ERBB4: variants seen among roughly 807,000 people sequenced by gnomAD.
ERBB4 encodes the protein erb-b2 receptor tyrosine kinase 4, also known as receptor tyrosine-protein kinase erbB-4.
A neutral mutation model predicts 158.0 loss-of-function variants in ERBB4; 42 were observed. That is an observed-to-expected ratio of 0.27 (90% CI 0.21 to 0.34). The LOEUF is 0.34. Among genes scored for constraint, ERBB4 ranks in the 10% least tolerant of loss-of-function variants. The pLI is 1.00. For missense variants in ERBB4, 1,333 were observed against 1,624.1 expected, an observed-to-expected ratio of 0.82 and a Z score of 3.08; for synonymous variants, 583 against 558.7, an observed-to-expected ratio of 1.04 and a Z score of -0.61.
chr2:211,616,181 C>A (rs2069381533), intron 19 of ERBB4, among the ~76,000 whole-genome samples: 1 of 151,370 alleles, frequency 6.6e-6, no homozygotes. Flanking sequence ...TCTTTCCCAG[C>A]AGCTCTACAC....
intron 19 of ERBB4, among the ~76,000 whole-genome samples, chr2:211,597,751 AT>A (rs1256998120): frequency 1.8e-4 from 27 of 152,120 alleles, no homozygotes; most frequent in African/African-American, 6.3e-4. Context: ...AATTATTTCA[AT>A]TTTTATTTTT....
chr2:211,783,293 A>G (rs1360643084), intron 4 of ERBB4, among the ~76,000 whole-genome samples: 1 of 152,246 alleles, frequency 6.6e-6, no homozygotes, highest in African/African-American at 2.4e-5. Flanking sequence ...TTTTCTAAAT[A>G]TATAATCATG....
chr2:211,986,137 G>T (rs1000030526), intron 2 of ERBB4, among the ~76,000 whole-genome samples: 1 of 152,176 alleles, frequency 6.6e-6, no homozygotes, highest in Non-Finnish European at 1.5e-5. Context: ...TCCCAGGACT[G>T]CCAGCAATCA....
At chr2:211,485,201 G>A (rs2065173416) in intron 20 of ERBB4, among the ~76,000 whole-genome samples, 1 of 152,004 alleles carries the variant, frequency 6.6e-6, no homozygotes, top group Admixed American at 6.6e-5. Context: ...TTGTGTCTTA[G>A]TTTTACAAAT....
At chr2:211,905,681 T>TATATATATATACAC (rs1480195605) in intron 3 of ERBB4, among the ~76,000 whole-genome samples, 1,108 of 110,156 alleles carry the variant, frequency 0.01, 11 homozygotes, top group Non-Finnish European at 0.017. Context: ...TATATATATA[T>TATATATATATACAC]ACACACATAT....
intron 2 of ERBB4, among the ~76,000 whole-genome samples, chr2:211,951,193 G>C (rs1243094796): frequency 6.6e-6 from 1 of 152,100 alleles, no homozygotes; most frequent in African/African-American, 2.4e-5. Flanking sequence ...TTATCAAAAA[G>C]TGTAAAATGT....
At chr2:211,870,681 T>C (rs530450820) in intron 3 of ERBB4, among the ~76,000 whole-genome samples, 26 of 152,088 alleles carry the variant, frequency 1.7e-4, no homozygotes, top group Non-Finnish European at 2.5e-4. Context: ...AAAATACAGT[T>C]TTCCAGGTAA....
chr2:211,606,388 C>A (rs911284995), intron 19 of ERBB4, among the ~76,000 whole-genome samples: 1 of 151,560 alleles, frequency 6.6e-6, no homozygotes, highest in Non-Finnish European at 1.5e-5. Flanking sequence ...GAGAAAATAA[C>A]CAGTGGGGAA....
At chr2:211,839,870 T>C (rs2077432321) in intron 3 of ERBB4, among the ~76,000 whole-genome samples, 1 of 152,130 alleles carries the variant, frequency 6.6e-6, no homozygotes, top group Admixed American at 6.6e-5. Context: ...AAACAAAATG[T>C]TAAAAGTTCT....
intron 16 of ERBB4, among the ~76,000 whole-genome samples, chr2:211,645,965 A>G (rs1322487164): frequency 6.6e-6 from 1 of 151,676 alleles, no homozygotes; most frequent in Non-Finnish European, 1.5e-5. Flanking sequence ...AATTTGTAAA[A>G]GGCAAAAACG....
intron 2 of ERBB4, among the ~76,000 whole-genome samples, chr2:212,051,897 G>C (rs2077409536): frequency 6.6e-6 from 1 of 152,152 alleles, no homozygotes; most frequent in African/African-American, 2.4e-5. Context: ...CTGGCACACA[G>C]AGTCAGATTG....
At chr2:211,695,308 T>C (rs1271140330) in intron 12 of ERBB4, among the ~76,000 whole-genome samples, 3 of 152,160 alleles carry the variant, frequency 2.0e-5, no homozygotes, top group Non-Finnish European at 4.4e-5. Context: ...TCATGTACAA[T>C]GGGGTGGATT....
intron 2 of ERBB4, among the ~76,000 whole-genome samples, chr2:212,051,161 C>A (rs1475753356): frequency 6.6e-6 from 1 of 152,098 alleles, no homozygotes; most frequent in East Asian, 1.9e-4. Flanking sequence ...CTCTTCTAAG[C>A]TTTGAAAGGT....
chr2:211,513,990 C>A (rs2065955727), intron 20 of ERBB4, among the ~76,000 whole-genome samples: 1 of 152,046 alleles, frequency 6.6e-6, no homozygotes, highest in South Asian at 2.1e-4. Flanking sequence ...CCTTCTAAAG[C>A]TTCTCTTCTA....
intron 5 of ERBB4, among the ~76,000 whole-genome samples, chr2:211,726,977 G>A (rs528922192): frequency 6.6e-6 from 1 of 152,212 alleles, no homozygotes; most frequent in South Asian, 2.1e-4. Context: ...TCTTCACAAG[G>A]CATTTCTCCA....
chr2:211,462,858 G>C (rs1022587584), intron 20 of ERBB4, among the ~76,000 whole-genome samples: 7 of 152,080 alleles, frequency 4.6e-5, no homozygotes, highest in Non-Finnish European at 1.0e-4. Flanking sequence ...CAATGTTTTT[G>C]TTTCTCTTCA....
chr2:211,555,428 A>G (rs2067212040), intron 20 of ERBB4, among the ~76,000 whole-genome samples: 1 of 152,122 alleles, frequency 6.6e-6, no homozygotes, highest in Non-Finnish European at 1.5e-5. Flanking sequence ...CAGGTGATCC[A>G]TCCGCCTCGG....
At chr2:211,589,108 G>T (rs1199440894) in intron 19 of ERBB4, among the ~76,000 whole-genome samples, 1 of 152,080 alleles carries the variant, frequency 6.6e-6, no homozygotes, top group Admixed American at 6.6e-5. Flanking sequence ...TAACATTATT[G>T]TGGGCCCTAG....
intron 20 of ERBB4, among the ~76,000 whole-genome samples, chr2:211,431,302 T>C (rs1442254903): frequency 6.6e-6 from 1 of 152,152 alleles, no homozygotes. Context: ...CTCCCTAAAG[T>C]CCTATGAGAT....
Sources: allele counts gnomAD v4.1 joint callset (sites outside exome capture counted in the v4.1 genomes callset), GRCh38; gene constraint gnomAD v4.1.1; transcripts MANE v1.5; gene names NCBI Gene and HGNC (gene_info 2026-07-23, HGNC 2026-07-21).